Variants in NLRP1 observed in about 807,000 individuals in gnomAD.
NLRP1 encodes NLR family pyrin domain containing 1, also known as NACHT, LRR and PYD domains-containing protein 1.
Under a neutral mutation model 136.7 loss-of-function variants are expected in NLRP1, and 94 were observed. The ratio of observed to expected loss-of-function variants is 0.69; its 90% CI spans 0.58 to 0.82. NLRP1 has a LOEUF of 0.82. Among genes scored for constraint, NLRP1 ranks in the 40% least tolerant of loss-of-function variants. The pLI is 0.00. For missense variants in NLRP1, 1,575 were observed against 1,802.7 expected (o/e 0.87, Z 2.29); for synonymous variants, 690 against 725.1 (o/e 0.95, Z 0.78).
intron 6 of NLRP1, among the ~76,000 whole-genome samples, chr17:5,540,125 T>C (rs909263007): frequency 2.6e-5 from 4 of 152,230 alleles, no homozygotes; most frequent in Non-Finnish European, 5.9e-5. Context: ...ACTGCTGCCC[T>C]GTTTACAGCA....
At chr17:5,572,479 G>T (rs1904481497) in intron 3 of NLRP1, among the ~76,000 whole-genome samples, 1 of 152,136 alleles carries the variant, frequency 6.6e-6, no homozygotes, top group Non-Finnish European at 1.5e-5. Context: ...CCACTTTGGG[G>T]ACTGAGGTGG....
intron 15 of NLRP1, among the ~76,000 whole-genome samples, chr17:5,507,327 A>C (rs976511512): frequency 6.6e-6 from 1 of 152,184 alleles, no homozygotes; most frequent in African/African-American, 2.4e-5. Context: ...AAATTAATTA[A>C]ATTAAATTAA....
Position 5,539,422 on chromosome 17 carries a change from G to A in NLRP1, c.2863C>T (p.Arg955Cys), listed in dbSNP as rs139267837. The change falls in exon 7 of 17, where the codon CGC becomes TGC. Residue 955 changes from arginine (R) to cysteine (C), a missense_variant. Transcript: ENST00000572272. ...GGACCCACAGGGCCTTACCCCAGGC[G>A]TATGAGTTTGCAGGCAGGATGCCTG... ...GLRHPACKLIRLGLDQTTLSD... is the reference protein window; with the variant it reads ...GLRHPACKLICLGLDQTTLSD... The A allele has an allele frequency of 9.1e-5, 147 of 1,612,344 alleles. No individual in the cohort carries two copies. In the African/African-American group the frequency reaches 1.2e-3, roughly 13 times the overall value.
At chr17:5,530,378 C>T (rs1339017217) in intron 12 of NLRP1, 103 bp downstream of exon 12, 1 of 1,056,442 alleles carries the variant, frequency 9.5e-7, no homozygotes, top group Non-Finnish European at 1.4e-6. Context: ...CTCGGCCCCT[C>T]TAAGGAAGCC....
intron 6 of NLRP1, among the ~76,000 whole-genome samples, chr17:5,540,542 G>A (rs34885369): frequency 0.047 from 7,192 of 152,218 alleles, 196 homozygotes; most frequent in Middle Eastern, 0.088. Flanking sequence ...GGAACAGGGA[G>A]AATGGAAAAC....
Position 5,559,943 on chromosome 17 carries a change from G to A in NLRP1, c.753C>T (p.His251=). The A allele has an allele frequency of 6.2e-7, 1 of 1,614,248 alleles. No individual in the cohort carries two copies. ...PPQAHTSLQP[H]HHPWEPSVRE... ...TCACAGAAGGCTCCCATGGGTGGTGGTGGGGCTGTAGGCTGGTGTGCGCCT... is the reference window on the plus strand; with the variant it reads ...TCACAGAAGGCTCCCATGGGTGGTGATGGGGCTGTAGGCTGGTGTGCGCCT... The change falls in exon 4 of 17, where the codon CAC becomes CAT. Residue 251 remains histidine (H), a synonymous_variant. Transcript: ENST00000572272.
downstream of NLRP1, among the ~76,000 whole-genome samples, chr17:5,510,538 T>C (rs908598339): frequency 2.0e-5 from 3 of 151,818 alleles, no homozygotes; most frequent in African/African-American, 7.3e-5. Flanking sequence ...TTTTGTATTT[T>C]TGTAGAGACA....
chr17:5,553,669 G>A (rs11656226), intron 4 of NLRP1, 113 bp from the exon 5 acceptor site: 46,166 of 927,600 alleles, frequency 0.05, 1,466 homozygotes, highest in African/African-American at 0.11. Flanking sequence ...AGGCCACAGC[G>A]GGTAGTGCCA....
chr17:5,542,932 T>C (rs558974322), intron 5 of NLRP1, among the ~76,000 whole-genome samples: 75 of 152,110 alleles, frequency 4.9e-4, no homozygotes, highest in Admixed American at 2.5e-3. Context: ...TGGGTTCAAG[T>C]GATTCTCCTG....
intron 5 of NLRP1, among the ~76,000 whole-genome samples, chr17:5,543,231 A>T (rs969663817): frequency 2.6e-5 from 4 of 152,076 alleles, no homozygotes; most frequent in African/African-American, 9.7e-5. Context: ...ATAGCCTCAA[A>T]AGAGGGGCAA....
At chr17:5,563,041 C>T (rs1211737572) in intron 3 of NLRP1, among the ~76,000 whole-genome samples, 3 of 152,130 alleles carry the variant, frequency 2.0e-5, no homozygotes, top group Non-Finnish European at 4.4e-5. Context: ...GAATCGAAGC[C>T]AGTTGACTGA....
downstream of NLRP1, chr17:5,512,171 T>G (rs60004290): frequency 2.0e-3 from 2,199 of 1,080,346 alleles, 65 homozygotes; most frequent in East Asian, 0.044. Flanking sequence ...GAATTCTCAC[T>G]TTCAGGGCAA....
Position 5,584,070 on chromosome 17 carries a change from C to T in NLRP1, c.-113G>A. ...TTGGCTCTTACCGTCTCTTATTCAG[C>T]ATTCGGAACCCAGTTTTATAAATCC... On this transcript the variant is annotated 5_prime_UTR_variant, in exon 1 of 17. It removes an upstream start codon present in the reference 5' UTR. Transcript: ENST00000572272. 1 of 1,021,848 alleles carries T rather than the reference C, an allele frequency of 9.8e-7. No homozygotes were observed. Among genetic ancestry groups the T allele is most frequent in the Non-Finnish European group, 1.4e-6 (1 of 715,520 alleles). 63.3% of individuals were successfully genotyped at this position (1,021,848 alleles called of 1,614,324 possible).
chr17:5,575,814 A>C (rs1279473607), intron 3 of NLRP1, among the ~76,000 whole-genome samples: 1 of 152,230 alleles, frequency 6.6e-6, no homozygotes, highest in Non-Finnish European at 1.5e-5. Flanking sequence ...AAATCAACAG[A>C]ATATATATTC....
chr17:5,538,613 T>C (rs1019292312), intron 7 of NLRP1, among the ~76,000 whole-genome samples: 1 of 152,160 alleles, frequency 6.6e-6, no homozygotes, highest in Non-Finnish European at 1.5e-5. Flanking sequence ...AGGTGACCAG[T>C]GTCCGTCTCT....
In NLRP1 at chr17:5,504,136, A is replaced by ACAGCAG. The variant is rs1597384860; in HGVS notation, c.4070-2265_4070-2264insCTGCTG. 4.8e-5 allele frequency: 7 copies of ACAGCAG among 146,954 alleles called. No individual in the cohort carries two copies. The East Asian group carries it at 2.0e-3, about 42-fold the overall frequency. The allele number at this position is 146,954 out of a possible 1,614,324, so 9.1% of individuals were successfully genotyped here. On this transcript the variant is annotated intron_variant, in intron 15 of 15. Transcript: ENST00000262467. The surrounding 1 kb of genome is among the most constrained non-coding windows in gnomAD (Gnocchi z 4.4). ...AGGAATCCTAGGACACACATGGATGATAGCAGCAGCAGCAGCAGCAGCCAA... is the reference window on the plus strand; with the variant it reads ...AGGAATCCTAGGACACACATGGATGACAGCAGTAGCAGCAGCAGCAGCAGCAGCCAA...
At chr17:5,542,973 G>C (rs1912069442) in intron 5 of NLRP1, among the ~76,000 whole-genome samples, 1 of 152,126 alleles carries the variant, frequency 6.6e-6, no homozygotes, top group African/African-American at 2.4e-5. Context: ...GGGATTACAG[G>C]TGCCTGCCAC....
chr17:5,510,356 A>G (rs76822737), downstream of NLRP1, among the ~76,000 whole-genome samples: 1 of 151,678 alleles, frequency 6.6e-6, no homozygotes, highest in Non-Finnish European at 1.5e-5. Flanking sequence ...CCGGCTAATT[A>G]AAAAAACTGG....
chr17:5,507,033 C>G (rs1907379647), intron 15 of NLRP1, among the ~76,000 whole-genome samples: 1 of 151,666 alleles, frequency 6.6e-6, no homozygotes, highest in African/African-American at 2.4e-5. Flanking sequence ...TATAAGGTTT[C>G]TAGAGTGGTC....
Sources: gnomAD v4.1 joint callset for allele counts (sites outside exome capture counted in the v4.1 genomes callset) on GRCh38, gnomAD v4.1.1 for gene constraint, Gnocchi (gnomAD v3.1) non-coding constraint, MANE v1.5 for transcripts, NCBI Gene and HGNC (gene_info 2026-07-23, HGNC 2026-07-21) for gene names.